The following TENM3 variants were observed in gnomAD, a reference collection of about 807,000 sequenced individuals.
TENM3 encodes teneurin transmembrane protein 3.
TENM3 carries 63 observed loss-of-function variants against 255.1 expected under a neutral mutation model. That is an observed-to-expected ratio of 0.25 (90% CI 0.20 to 0.30). The LOEUF is 0.30. Among genes scored for constraint, TENM3 ranks in the 10% least tolerant of loss-of-function variants. The probability of loss-of-function intolerance (pLI) is 1.00; values close to 1 mark genes in which losing one functional copy is unlikely to be tolerated. For synonymous variants in TENM3, 1,306 were observed against 1,322.3 expected (o/e 0.99, Z 0.27); for missense variants, 2,929 against 3,461.1 (o/e 0.85, Z 3.86).
chr4:181,491,217 A>G, the TENM3 span, among the ~76,000 whole-genome samples: 2 of 152,084 alleles, frequency 1.3e-5, no homozygotes, highest in Non-Finnish European at 2.9e-5. Flanking sequence ...AACAGGAAAG[A>G]TTATAGTAAA....
At chr4:182,667,086 A>G (rs545640042) in intron 6 of TENM3, among the ~76,000 whole-genome samples, 70 of 152,212 alleles carry the variant, frequency 4.6e-4, no homozygotes, top group African/African-American at 1.5e-3. Context: ...AAATGTGTCT[A>G]TTTCATTAGC....
chr4:182,460,275 T>C (rs1774233869), intron 3 of TENM3, among the ~76,000 whole-genome samples: 1 of 152,170 alleles, frequency 6.6e-6, no homozygotes, highest in Non-Finnish European at 1.5e-5. Flanking sequence ...TAAGCTCACA[T>C]AGAATATAAT....
At chr4:181,955,048 T>C in the TENM3 span, among the ~76,000 whole-genome samples, 16 of 152,216 alleles carry the variant, frequency 1.1e-4, no homozygotes, top group South Asian at 8.3e-4. Context: ...CTTAAATTGA[T>C]ATTTTTAGTT....
At chr4:182,396,269 T>A (rs1008784965) in intron 3 of TENM3, among the ~76,000 whole-genome samples, 5 of 152,150 alleles carry the variant, frequency 3.3e-5, no homozygotes, top group Admixed American at 3.3e-4. Flanking sequence ...CTAAATACAG[T>A]TTTACTATCA....
At chr4:181,665,135 G>C in the TENM3 span, among the ~76,000 whole-genome samples, 1 of 152,134 alleles carries the variant, frequency 6.6e-6, no homozygotes, top group African/African-American at 2.4e-5. Flanking sequence ...GTGAAGTCAG[G>C]TTCCCAGACA....
chr4:182,705,767 A>G (rs1407563533), intron 12 of TENM3, among the ~76,000 whole-genome samples: 2 of 152,146 alleles, frequency 1.3e-5, no homozygotes, highest in East Asian at 1.9e-4. Context: ...TACTCAGCAG[A>G]TATTTCTCGT....
the TENM3 span, among the ~76,000 whole-genome samples, chr4:181,994,362 A>T: frequency 6.6e-6 from 1 of 152,166 alleles, no homozygotes; most frequent in African/African-American, 2.4e-5. Flanking sequence ...ATGTCTTAAA[A>T]TACGTCATTG....
At chr4:182,325,214 A>G (rs1763315647) in intron 2 of TENM3, among the ~76,000 whole-genome samples, 1 of 152,268 alleles carries the variant, frequency 6.6e-6, no homozygotes, top group South Asian at 2.1e-4. Flanking sequence ...CACCGTACAG[A>G]CAGTGTGACT....
At position 182,164,336 on chromosome 4, in the gene TENM3, T is replaced by C. The variant is rs141827818; in HGVS notation, c.-76+19582T>C. On this transcript the variant is annotated intron_variant, in intron 1 of 2. Transcript: ENST00000512480. ...AAGCCAGCAACCTTGAACTGGTCCTTGGTCCTTTCTTCACCTCAATCCCAC... is the reference window on the plus strand; with the variant it reads ...AAGCCAGCAACCTTGAACTGGTCCTCGGTCCTTTCTTCACCTCAATCCCAC... Among the ~76,000 whole-genome samples, 332 of 152,330 alleles carry C rather than the reference T, an allele frequency of 2.2e-3. 5 individuals are homozygous for C. The highest frequency in any genetic ancestry group is 2.2e-3 in the Non-Finnish European group (152 of 68,030).
intron 2 of TENM3, among the ~76,000 whole-genome samples, chr4:182,327,560 G>A (rs894902939): frequency 2.6e-5 from 4 of 152,146 alleles, no homozygotes; most frequent in African/African-American, 9.7e-5. Flanking sequence ...GGTGACTACT[G>A]TTAATTACAT....
At chr4:181,535,271 A>G in the TENM3 span, among the ~76,000 whole-genome samples, 4 of 152,124 alleles carry the variant, frequency 2.6e-5, no homozygotes, top group East Asian at 7.8e-4. Flanking sequence ...TTCAGTATCA[A>G]CTAAGATTGC....
intron 4 of TENM3, among the ~76,000 whole-genome samples, chr4:182,611,731 A>G (rs1749021712): frequency 6.6e-6 from 1 of 152,220 alleles, no homozygotes; most frequent in Non-Finnish European, 1.5e-5. Context: ...CTCAGAACTA[A>G]TAATTTCTTT....
intron 6 of TENM3, among the ~76,000 whole-genome samples, chr4:182,672,260 G>T (rs903323599): frequency 6.6e-6 from 1 of 152,180 alleles, no homozygotes; most frequent in Non-Finnish European, 1.5e-5. Context: ...AGGTGGCAGA[G>T]ATCCAGGGAG....
intron 3 of TENM3, among the ~76,000 whole-genome samples, chr4:182,581,457 G>T (rs1184387656): frequency 1.3e-5 from 2 of 152,124 alleles, no homozygotes. Context: ...GGAAAAATAG[G>T]CCGGGTGCAG....
the TENM3 span, among the ~76,000 whole-genome samples, chr4:181,515,295 G>A: frequency 3.3e-5 from 5 of 152,122 alleles, no homozygotes; most frequent in Admixed American, 6.5e-5. Context: ...GCAAGTGGTT[G>A]GGACAGGTTG....
chr4:181,866,838 C>T, the TENM3 span, among the ~76,000 whole-genome samples: 3 of 152,184 alleles, frequency 2.0e-5, no homozygotes, highest in Non-Finnish European at 4.4e-5. Flanking sequence ...CCTTCCTCTT[C>T]TCTGATTGCT....
chr4:181,673,180 A>G, the TENM3 span, among the ~76,000 whole-genome samples: 1 of 152,162 alleles, frequency 6.6e-6, no homozygotes, highest in Non-Finnish European at 1.5e-5. Context: ...TTTTATGCGT[A>G]TACCTATTAT....
At chr4:182,161,983 A>G (rs111810410) in intron 1 of TENM3, among the ~76,000 whole-genome samples, 3 of 93,424 alleles carry the variant, frequency 3.2e-5, no homozygotes, top group Admixed American at 1.2e-4. Context: ...ATATATATAT[A>G]TATATATATA....
chr4:181,650,588 C>T, the TENM3 span, among the ~76,000 whole-genome samples: 1 of 152,062 alleles, frequency 6.6e-6, no homozygotes, highest in Admixed American at 6.5e-5. Context: ...TCTGCAGATC[C>T]CTATTAGGAG....
Sources: gnomAD v4.1 joint callset for allele counts (sites outside exome capture counted in the v4.1 genomes callset) on GRCh38, gnomAD v4.1.1 for gene constraint, MANE v1.5 for transcripts, NCBI Gene and HGNC (gene_info 2026-07-23, HGNC 2026-07-21) for gene names.